CLASP1: variants seen among roughly 807,000 people sequenced by gnomAD.
CLASP1 encodes CLIP-associating protein 1.
CLASP1 carries 38 observed loss-of-function variants against 192.3 expected under a neutral mutation model. That is an observed-to-expected ratio of 0.20 (90% CI 0.15 to 0.26). The LOEUF is 0.26. Ranked by LOEUF, CLASP1 falls within the 10% of genes least tolerant of loss-of-function variation. CLASP1 has a pLI of 1.00. For missense variants in CLASP1, 1,433 were observed against 1,932.5 expected (o/e 0.74, Z 4.85); for synonymous variants, 691 against 712.8 (o/e 0.97, Z 0.49).
intron 7 of CLASP1, among the ~76,000 whole-genome samples, chr2:121,512,582 C>G (rs1475570000): frequency 6.6e-6 from 1 of 152,182 alleles, no homozygotes; most frequent in Non-Finnish European, 1.5e-5. Context: ...TTAACTACCT[C>G]CACTTTATTA....
At chr2:121,452,785 T>C (rs2085774065) in intron 14 of CLASP1, among the ~76,000 whole-genome samples, 1 of 152,174 alleles carries the variant, frequency 6.6e-6, no homozygotes, top group South Asian at 2.1e-4. Context: ...AGCGAGACTC[T>C]GTCAAATAAA....
At chr2:121,397,576 C>T (rs1193314062) in intron 29 of CLASP1, among the ~76,000 whole-genome samples, 3 of 152,176 alleles carry the variant, frequency 2.0e-5, no homozygotes, top group African/African-American at 4.8e-5. Flanking sequence ...AGGGCAGGAG[C>T]CCTTGAGAGG....
chr2:121,610,289 A>C (rs878897012), intron 1 of CLASP1, among the ~76,000 whole-genome samples: 1 of 151,648 alleles, frequency 6.6e-6, no homozygotes, highest in South Asian at 2.1e-4. Context: ...CTGGAGGAGG[A>C]GGAGGAGTTA....
chr2:121,401,975 A>G, intron 26 of CLASP1, 105 bp from the exon 28 acceptor site: 4 of 499,532 alleles, frequency 8.0e-6, no homozygotes, highest in Non-Finnish European at 1.2e-5. Flanking sequence ...GAAAACCTGA[A>G]AAGGCTACAA....
chr2:121,404,322 A>C, intron 26 of CLASP1, 49 bp downstream of exon 27: 1 of 1,597,506 alleles, frequency 6.3e-7, no homozygotes, highest in Non-Finnish European at 8.5e-7. Context: ...CACACAGAGC[A>C]CACAGACATG....
chr2:121,426,185 T>C (rs2080341625), intron 21 of CLASP1, among the ~76,000 whole-genome samples: 1 of 151,962 alleles, frequency 6.6e-6, no homozygotes, highest in Non-Finnish European at 1.5e-5. Context: ...AAATGCAAAG[T>C]AAAATAAAAT....
intron 8 of CLASP1, among the ~76,000 whole-genome samples, chr2:121,478,927 ACAC>A (rs2092262451): frequency 8.6e-5 from 3 of 34,846 alleles, no homozygotes; most frequent in Non-Finnish European, 1.1e-4. Context: ...CACACACACC[ACAC>A]AACACCCCCC....
At chr2:121,600,903 G>A (rs1213734018) in intron 2 of CLASP1, among the ~76,000 whole-genome samples, 2 of 152,122 alleles carry the variant, frequency 1.3e-5, no homozygotes, top group African/African-American at 4.8e-5. Context: ...AGGCAATCAC[G>A]GACACTCATT....
At chr2:121,542,309 T>C (rs561894992) in intron 2 of CLASP1, among the ~76,000 whole-genome samples, 5 of 152,238 alleles carry the variant, frequency 3.3e-5, no homozygotes, top group Non-Finnish European at 5.9e-5. Flanking sequence ...CTGTATACTA[T>C]ACTGTTAGCT....
chr2:121,470,232 C>G (rs1399438319), intron 8 of CLASP1: 1 of 513,872 alleles, frequency 1.9e-6, no homozygotes, highest in African/African-American at 2.0e-5. Context: ...AACAATCTCT[C>G]ATAAAACCAC....
rs377619732 is a variant in CLASP1 at position 121,530,945 on chromosome 2, G to A, written c.196-620C>T. 3.0e-4 allele frequency: 211 copies of A among 700,388 alleles called. No individual in the cohort carries two copies. The highest frequency in any genetic ancestry group is 6.8e-4 in the African/African-American group (39 of 57,284). The allele number at this position is 700,388 out of a possible 1,614,324, so 43.4% of individuals were successfully genotyped here. A position where few individuals can be genotyped will look rare whatever the true frequency, so the allele number is the denominator to read the frequency against. ...GCATAGTGAGGGCAGTACTGCTAAC[G>A]CCTGAACAACACACCCGCATCAACT... On this transcript the variant is annotated intron_variant, in intron 2 of 39. Coordinates refer to ENST00000263710, the Ensembl canonical transcript of CLASP1.
At chr2:121,425,035 C>CA (rs57390297) in intron 22 of CLASP1, 104 bp downstream of exon 22, 8 of 1,220,396 alleles carry the variant, frequency 6.6e-6, no homozygotes, top group Admixed American at 2.5e-5. Context: ...ATCCTCAGTT[C>CA]AAAAAATAGA....
At chr2:121,613,157 G>C (rs1400988093) in intron 1 of CLASP1, among the ~76,000 whole-genome samples, 1 of 152,054 alleles carries the variant, frequency 6.6e-6, no homozygotes, top group Non-Finnish European at 1.5e-5. Flanking sequence ...CTGAGAAAAG[G>C]GACACATTTT....
intron 2 of CLASP1, among the ~76,000 whole-genome samples, chr2:121,575,012 A>G (rs2060362930): frequency 6.6e-6 from 1 of 152,208 alleles, no homozygotes; most frequent in Non-Finnish European, 1.5e-5. Context: ...ATGTGAGGTA[A>G]CGCATATACT....
At chr2:121,547,420 C>A (rs1357262496) in intron 2 of CLASP1, among the ~76,000 whole-genome samples, 1 of 151,668 alleles carries the variant, frequency 6.6e-6, no homozygotes, top group Non-Finnish European at 1.5e-5. Context: ...AGGCAGGGAA[C>A]CCCCAGCTTG....
chr2:121,365,110 G>C, exon 36 of CLASP1: 1 of 1,613,976 alleles, frequency 6.2e-7, no homozygotes, highest in South Asian at 1.1e-5. Context: ...GTCTCCAAGG[G>C]TCTCCAGCAG....
At chr2:121,420,330 G>A (rs78868993) in intron 22 of CLASP1, among the ~76,000 whole-genome samples, 5,637 of 152,276 alleles carry the variant, frequency 0.037, 156 homozygotes, top group East Asian at 0.14. Flanking sequence ...CTACAATGAT[G>A]ACAAAAGGAG....
At chr2:121,440,284 T>C (rs144641392) in intron 19 of CLASP1, among the ~76,000 whole-genome samples, 1,633 of 152,336 alleles carry the variant, frequency 0.011, 28 homozygotes, top group Admixed American at 0.053. Flanking sequence ...AAGGTGTCTT[T>C]TGTTTCATTT....
At chr2:121,428,076 G>A (rs984967949) in intron 20 of CLASP1, among the ~76,000 whole-genome samples, 1 of 152,210 alleles carries the variant, frequency 6.6e-6, no homozygotes, top group African/African-American at 2.4e-5. Context: ...ACGATTTGGT[G>A]AGTGAAGTAA....
Sources: allele counts gnomAD v4.1 joint callset (sites outside exome capture counted in the v4.1 genomes callset), GRCh38; gene constraint gnomAD v4.1.1; transcripts MANE v1.5; gene names NCBI Gene and HGNC (gene_info 2026-07-23, HGNC 2026-07-21).